The following PDZRN4 variants were observed in gnomAD, a reference collection of about 807,000 sequenced individuals.
PDZRN4 encodes the protein PDZ domain containing ring finger 4, also known as PDZ domain-containing RING finger protein 4.
Under a neutral mutation model 99.0 loss-of-function variants are expected in PDZRN4, and 70 were observed. The observed-to-expected ratio is 0.71, with a 90% CI of 0.58 to 0.86. The LOEUF (loss-of-function observed/expected upper bound fraction) is 0.86, where lower values mean the gene tolerates loss of function less well. Ranked by LOEUF, PDZRN4 falls within the 40% of genes least tolerant of loss-of-function variation. The pLI is 0.00. For synonymous variants in PDZRN4, 551 were observed against 501.6 expected, an observed-to-expected ratio of 1.10 and a Z score of -1.32; for missense variants, 1,474 against 1,331.2, an observed-to-expected ratio of 1.11 and a Z score of -1.67.
In PDZRN4 at chr12:41,461,080, C is replaced by T. The variant is rs538801043; in HGVS notation, c.844-45376C>T. On this transcript the variant is annotated intron_variant, in intron 3 of 9. Coordinates refer to ENST00000402685, the MANE Select transcript of PDZRN4 (RefSeq NM_001164595.2). ...TGCAGCAGTTTCCCTGGGCCTTGGG[C>T]TTTAGAGAGACTTGAGTCATTTGAC... Among the ~76,000 whole-genome samples, 5 of 152,264 alleles carry T rather than the reference C, an allele frequency of 3.3e-5. No homozygotes were observed. In the South Asian group the frequency reaches 1.0e-3, roughly 32 times the overall value.
At chr12:41,297,912 T>C (rs1951506564) in intron 3 of PDZRN4, among the ~76,000 whole-genome samples, 1 of 152,194 alleles carries the variant, frequency 6.6e-6, no homozygotes, top group Non-Finnish European at 1.5e-5. Flanking sequence ...GAGAGGAAGA[T>C]CGATTAAAAC....
intron 3 of PDZRN4, among the ~76,000 whole-genome samples, chr12:41,498,562 C>T (rs1346721651): frequency 6.6e-6 from 1 of 151,992 alleles, no homozygotes; most frequent in Non-Finnish European, 1.5e-5. Context: ...TATCAGGAAC[C>T]CACTCATGTG....
chr12:41,194,263 T>C (rs1950757328), intron 3 of PDZRN4, 75 bp downstream of exon 3: 2 of 743,834 alleles, frequency 2.7e-6, no homozygotes, highest in Non-Finnish European at 4.7e-6. Context: ...AATTTACCAC[T>C]TTACCTTGGT....
At chr12:41,314,117 A>G (rs1592008274) in intron 3 of PDZRN4, among the ~76,000 whole-genome samples, 1 of 152,326 alleles carries the variant, frequency 6.6e-6, no homozygotes, top group East Asian at 1.9e-4. Context: ...AAATGAATTC[A>G]GGTTTTATTA....
Position 41,572,920 on chromosome 12 carries a change from T to A in PDZRN4, c.2141T>A (p.Ile714Lys). 6.2e-7 allele frequency: 1 copy of A among 1,614,094 alleles called. No individual in the cohort carries two copies. ...GGATTCCGGAATTATAACACCAGCA[T>A]AGATATGCAAAGGGGAAAGCTAGAT... ...DGGFRNYNTS[I>K]DMQRGKLDDI... Residue 714 changes from isoleucine (I) to lysine (K), a missense_variant, in exon 10 of 10, where the codon ATA becomes AAA. Coordinates refer to ENST00000402685, the MANE Select transcript of PDZRN4 (RefSeq NM_001164595.2).
chr12:41,409,591 G>A lies in PDZRN4; in HGVS notation c.844-96865G>A, dbSNP rs766700590. The A allele has an allele frequency of 3.9e-5, 6 of 152,178 alleles. No individual in the cohort carries two copies. The South Asian group carries it at 6.2e-4, about 16-fold the overall frequency. 9.4% of individuals were successfully genotyped at this position (152,178 alleles called of 1,614,324 possible). A position where few individuals can be genotyped will look rare whatever the true frequency, so the allele number is the denominator to read the frequency against. Reference sequence around the variant, plus strand: ...TAAATGAAGATTCAGAAATACCAACGTATGAAAGTCTTCTTTGTATTCTCA... The same window carrying A: ...TAAATGAAGATTCAGAAATACCAACATATGAAAGTCTTCTTTGTATTCTCA... On this transcript the variant is annotated intron_variant, in intron 3 of 9. Transcript: ENST00000402685.
intron 3 of PDZRN4, among the ~76,000 whole-genome samples, chr12:41,197,521 A>G (rs1379275164): frequency 1.3e-5 from 2 of 152,164 alleles, no homozygotes; most frequent in Non-Finnish European, 2.9e-5. Context: ...TAAACTATTT[A>G]TGCTTGTAAA....
intron 3 of PDZRN4, among the ~76,000 whole-genome samples, chr12:41,284,428 A>AC (rs1428549050): frequency 2.0e-5 from 3 of 152,210 alleles, no homozygotes; most frequent in Non-Finnish European, 2.9e-5. Flanking sequence ...AAATGGCCAT[A>AC]CTGCCCAAAG....
intron 5 of PDZRN4, among the ~76,000 whole-genome samples, chr12:41,516,631 G>A (rs928340661): frequency 6.6e-6 from 1 of 152,026 alleles, no homozygotes; most frequent in Non-Finnish European, 1.5e-5. Flanking sequence ...TACCACAAAT[G>A]CGTAAGCTGG....
intron 3 of PDZRN4, among the ~76,000 whole-genome samples, chr12:41,325,295 G>A (rs1409032106): frequency 1.3e-5 from 2 of 152,100 alleles, no homozygotes; most frequent in Non-Finnish European, 2.9e-5. Context: ...ACATTTCTAT[G>A]AAAGTTGTTT....
At chr12:41,196,668 A>C (rs1265354112) in intron 3 of PDZRN4, among the ~76,000 whole-genome samples, 2 of 152,070 alleles carry the variant, frequency 1.3e-5, no homozygotes, top group Non-Finnish European at 2.9e-5. Flanking sequence ...TGTAATCATT[A>C]AAGTTAGAAA....
rs182542627 is a variant in PDZRN4, at chr12:41,458,536, A to G, written c.844-47920A>G. On this transcript the variant is annotated intron_variant, in intron 3 of 9. Transcript: ENST00000402685. ...GGCAAGATCAGATCTATGCTCAGCT[A>G]TAATAAGGGAGGGTTACTATTAACT... is the stretch of plus-strand genomic sequence containing the variant. 7.2e-5 allele frequency among the ~76,000 whole-genome samples: 11 copies of G among 152,318 alleles called. 1 individual carries two copies. In the South Asian group the frequency reaches 1.9e-3, roughly 26 times the overall value.
chr12:41,212,741 G>A (rs1343260319), intron 3 of PDZRN4, among the ~76,000 whole-genome samples: 1 of 152,018 alleles, frequency 6.6e-6, no homozygotes, highest in Non-Finnish European at 1.5e-5. Flanking sequence ...TGGATGTAGA[G>A]TGGGTGGTTT....
intron 5 of PDZRN4, among the ~76,000 whole-genome samples, chr12:41,540,993 T>G (rs924061272): frequency 2.6e-5 from 4 of 151,948 alleles, no homozygotes; most frequent in Non-Finnish European, 4.4e-5. Flanking sequence ...GGTGTGATCT[T>G]GGCTCACTGC....
At chr12:41,548,526 C>T (rs996813643) in intron 5 of PDZRN4, among the ~76,000 whole-genome samples, 2 of 152,174 alleles carry the variant, frequency 1.3e-5, no homozygotes, top group African/African-American at 2.4e-5. Flanking sequence ...CCCCTGTTGT[C>T]AACTGATATA....
At chr12:41,320,243 T>C (rs1357040867) in intron 3 of PDZRN4, among the ~76,000 whole-genome samples, 1 of 152,204 alleles carries the variant, frequency 6.6e-6, no homozygotes, top group Non-Finnish European at 1.5e-5. Context: ...TTTCTGAGAA[T>C]GCTATTGGAC....
intron 5 of PDZRN4, among the ~76,000 whole-genome samples, chr12:41,522,453 A>C: frequency 6.6e-6 from 1 of 152,112 alleles, no homozygotes; most frequent in Admixed American, 6.6e-5. Flanking sequence ...ATGCATTCTC[A>C]TGCAATACAA....
At chr12:41,321,946 C>A (rs1951680698) in intron 3 of PDZRN4, among the ~76,000 whole-genome samples, 1 of 151,980 alleles carries the variant, frequency 6.6e-6, no homozygotes, top group Non-Finnish European at 1.5e-5. Flanking sequence ...ACCTCTCCAC[C>A]CAGAAAGCAT....
intron 7 of PDZRN4, among the ~76,000 whole-genome samples, chr12:41,562,251 A>G (rs541274746): frequency 3.4e-4 from 52 of 152,208 alleles, no homozygotes; most frequent in Admixed American, 1.0e-3. Context: ...CACTAAATAC[A>G]TATAAGAGTA....
Sources: allele counts gnomAD v4.1 joint callset (sites outside exome capture counted in the v4.1 genomes callset), GRCh38; gene constraint gnomAD v4.1.1; transcripts MANE v1.5; gene names NCBI Gene and HGNC (gene_info 2026-07-23, HGNC 2026-07-21).